CEP128: variants seen among roughly 807,000 people sequenced by gnomAD.
CEP128 encodes the protein centrosomal protein 128, also known as centrosomal protein 128kDa.
In CEP128, 132 loss-of-function variants were observed where a neutral mutation model predicts 156.7. The observed-to-expected ratio is 0.84, with a 90% CI of 0.73 to 0.97. The LOEUF (loss-of-function observed/expected upper bound fraction) is 0.97. Ranked by LOEUF, CEP128 falls within the 50% of genes least tolerant of loss-of-function variation. The pLI is 0.00. For missense variants in CEP128, 1,252 were observed against 1,281.9 expected, an observed-to-expected ratio of 0.98 and a Z score of 0.36; for synonymous variants, 469 against 448.9, an observed-to-expected ratio of 1.04 and a Z score of -0.57.
intron 23 of CEP128, among the ~76,000 whole-genome samples, chr14:80,509,809 G>T (rs1314263944): frequency 6.6e-6 from 1 of 152,092 alleles, no homozygotes; most frequent in Non-Finnish European, 1.5e-5. Flanking sequence ...TATATGATAA[G>T]AGGTATACAT....
At chr14:80,835,764 C>A (rs1886039820) in intron 12 of CEP128, among the ~76,000 whole-genome samples, 1 of 152,096 alleles carries the variant, frequency 6.6e-6, no homozygotes, top group African/African-American at 2.4e-5. Context: ...ATTTTTGTCA[C>A]CAACTCCAGA....
intron 13 of CEP128, among the ~76,000 whole-genome samples, chr14:80,802,751 T>C (rs1328038026): frequency 1.3e-5 from 2 of 152,206 alleles, no homozygotes; most frequent in Non-Finnish European, 2.9e-5. Context: ...TTCAAAGGTT[T>C]TCTAGCAGGA....
At chr14:80,592,577 G>A (rs930395714) in intron 19 of CEP128, among the ~76,000 whole-genome samples, 9 of 152,116 alleles carry the variant, frequency 5.9e-5, no homozygotes, top group African/African-American at 2.2e-4. Context: ...GGTACAAAGA[G>A]GAGCTGGTAC....
In CEP128 at chr14:80,559,169, T is replaced by C. The variant is rs962237233; in HGVS notation, c.2880+110A>G. The C allele has an allele frequency of 9.6e-6, 9 of 940,554 alleles. No individual in the cohort carries two copies. In the African/African-American group the frequency reaches 1.3e-4, roughly 14 times the overall value. 58.3% of individuals were successfully genotyped at this position (940,554 alleles called of 1,614,324 possible). A position where few individuals can be genotyped will look rare whatever the true frequency, so the allele number is the denominator to read the frequency against. ...TTGTTTTCCCCTTTGACATCTTAGATGTAGTTTTCGAAATGATTTCTGAAA... is the reference window on the plus strand; with the variant it reads ...TTGTTTTCCCCTTTGACATCTTAGACGTAGTTTTCGAAATGATTTCTGAAA... On this transcript the variant is annotated intron_variant, in intron 21 of 24. Coordinates refer to ENST00000555265, the MANE Select transcript of CEP128 (RefSeq NM_152446.5).
chr14:80,715,286 T>C (rs1437408456), intron 19 of CEP128, among the ~76,000 whole-genome samples: 1 of 152,174 alleles, frequency 6.6e-6, no homozygotes, highest in Non-Finnish European at 1.5e-5. Context: ...AATGAATCTT[T>C]AGTCAAGACA....
At chr14:80,571,586 A>G (rs1891140494) in intron 20 of CEP128, among the ~76,000 whole-genome samples, 1 of 152,202 alleles carries the variant, frequency 6.6e-6, no homozygotes, top group Non-Finnish European at 1.5e-5. Flanking sequence ...AATAAAAGTA[A>G]AAAGTATAAG....
At chr14:80,640,875 T>C (rs531035364) in intron 19 of CEP128, among the ~76,000 whole-genome samples, 3 of 152,228 alleles carry the variant, frequency 2.0e-5, no homozygotes. Context: ...AAACTTGTTA[T>C]TGTCTTCTAT....
Position 80,501,766 on chromosome 14 carries a change from C to T in CEP128, c.3181+3146G>A, listed in dbSNP as rs183048956. Among the ~76,000 whole-genome samples, 9 of 152,010 alleles carry T rather than the reference C, an allele frequency of 5.9e-5. 1 individual carries two copies. The highest frequency in any genetic ancestry group is 5.9e-4 in the Admixed American group (9 of 15,266). On this transcript the variant is annotated intron_variant, in intron 24 of 24. Transcript: ENST00000555265. ...CGATCCGCCCACCTCGGCCTCCCAC[C>T]TCCTTTTCTTTGGTGTGCTCTTGAG...
At chr14:80,494,032 TG>T (rs1185409270), downstream of CEP128, among the ~76,000 whole-genome samples, 8 of 152,236 alleles carry the variant, frequency 5.3e-5, no homozygotes, top group Admixed American at 5.2e-4. Context: ...TGTCGTGTTT[TG>T]TAAGGAAATG....
chr14:80,679,457 G>A (rs1202189588), intron 19 of CEP128, among the ~76,000 whole-genome samples: 3 of 152,232 alleles, frequency 2.0e-5, no homozygotes, highest in Non-Finnish European at 2.9e-5. Flanking sequence ...ACTGTCTTAC[G>A]TGGCTGAGAT....
In CEP128 at chr14:80,729,058, G is replaced by GTGTGTGT. The variant is rs1344457542; in HGVS notation, c.2806+14016_2806+14017insACACACA. ...CCTAGTCCCAGGCTGGGCTGGTGGG[G>GTGTGTGT]GTGTGTGTGTGTGTGTGTGTGTGTG... On this transcript the variant is annotated intron_variant, in intron 19 of 24. Transcript: ENST00000555265. Among the ~76,000 whole-genome samples the GTGTGTGT allele has an allele frequency of 9.5e-3, 995 of 105,024 alleles. 85 individuals are homozygous for GTGTGTGT. Among genetic ancestry groups the GTGTGTGT allele is most frequent in the East Asian group, 0.033 (104 of 3,200 alleles). 68.9% of individuals were successfully genotyped at this position (105,024 alleles called of 152,430 possible). A position where few individuals can be genotyped will look rare whatever the true frequency, so the allele number is the denominator to read the frequency against.
Position 80,785,071 on chromosome 14 carries a change from T to C in CEP128, c.2035A>G (p.Thr679Ala), listed in dbSNP as rs141601149. 6.2e-7 allele frequency: 1 copy of C among 1,614,208 alleles called. No individual in the cohort carries two copies. The highest frequency in any genetic ancestry group is 1.7e-5 in the Admixed American group (1 of 60,032). The change falls in exon 15 of 25, where the codon ACA becomes GCA. Residue 679 changes from threonine (T) to alanine (A), a missense_variant. Transcript: ENST00000555265. ...TTTAACTGTGTGATGATTGTAGCTGTTTCTTCATCCCTGGATTTTGCCTGT... is the reference window on the plus strand; with the variant it reads ...TTTAACTGTGTGATGATTGTAGCTGCTTCTTCATCCCTGGATTTTGCCTGT... The part of the protein sequence containing the change: ...TAQAKSRDEE[T>A]ATIITQLKLE...
chr14:80,490,803 T>G (rs919253412), intron 6 of CEP128: 1 of 152,156 alleles, frequency 6.6e-6, no homozygotes, highest in African/African-American at 2.4e-5. Context: ...ACTTTCATAT[T>G]TTTGTTTTGG....
intron 18 of CEP128, among the ~76,000 whole-genome samples, chr14:80,747,149 C>T (rs984815153): frequency 6.6e-6 from 1 of 152,110 alleles, no homozygotes; most frequent in Non-Finnish European, 1.5e-5. Context: ...CACAGCAGTG[C>T]AATTGCTTTA....
At chr14:80,627,225 C>T (rs983548509) in intron 19 of CEP128, among the ~76,000 whole-genome samples, 4 of 152,150 alleles carry the variant, frequency 2.6e-5, no homozygotes, top group Non-Finnish European at 5.9e-5. Flanking sequence ...AAGAGCAGTG[C>T]TGTATTTCCA....
intron 2 of CEP128, among the ~76,000 whole-genome samples, chr14:80,957,281 C>T (rs964683650): frequency 4.6e-5 from 7 of 152,136 alleles, no homozygotes; most frequent in African/African-American, 1.4e-4. Flanking sequence ...GTAAGCTATA[C>T]CCCCCTTCCC....
intron 17 of CEP128, among the ~76,000 whole-genome samples, chr14:80,759,413 T>C (rs1025605558): frequency 1.3e-5 from 2 of 152,186 alleles, no homozygotes; most frequent in African/African-American, 2.4e-5. Flanking sequence ...GAAAACATTT[T>C]ACATGATTCT....
chr14:80,679,970 T>A (rs549893026), intron 19 of CEP128, among the ~76,000 whole-genome samples: 129 of 152,322 alleles, frequency 8.5e-4, no homozygotes, highest in Middle Eastern at 3.4e-3. Flanking sequence ...CGTTGAAATA[T>A]TGGGGGTGGG....
chr14:80,886,399 A>G (rs922066751), intron 8 of CEP128, among the ~76,000 whole-genome samples: 1 of 152,252 alleles, frequency 6.6e-6, no homozygotes, highest in Non-Finnish European at 1.5e-5. Flanking sequence ...AGTTACCTGC[A>G]AAGGGAAGCC....
Sources: allele counts gnomAD v4.1 joint callset (sites outside exome capture counted in the v4.1 genomes callset), GRCh38; gene constraint gnomAD v4.1.1; transcripts MANE v1.5; gene names NCBI Gene and HGNC (gene_info 2026-07-23, HGNC 2026-07-21).